RBMS2: variants seen among roughly 807,000 people sequenced by gnomAD.
The protein encoded by RBMS2 is RNA-binding motif, single-stranded-interacting protein 2.
A neutral mutation model predicts 58.4 loss-of-function variants in RBMS2; 38 were observed. The observed-to-expected ratio is 0.65, with a 90% confidence interval of 0.50 to 0.85. The LOEUF (loss-of-function observed/expected upper bound fraction) is 0.85, where lower values mean the gene tolerates loss of function less well. Ranked by LOEUF, RBMS2 falls within the 40% of genes least tolerant of loss-of-function variation. The pLI, the probability that RBMS2 is intolerant of heterozygous loss-of-function variation, is 0.00. For missense variants in RBMS2, 367 were observed against 503.7 expected (o/e 0.73, Z 2.60); for synonymous variants, 151 against 180.7 (o/e 0.84, Z 1.32).
In RBMS2 at chr12:56,546,263, A is replaced by G. The variant is rs1592372069; in HGVS notation, c.67-16154A>G. On this transcript the variant is annotated intron_variant, in intron 1 of 13. Transcript: ENST00000262031. ...CTCCTGAGTAGCTGGGACTACAGGCACCCGCCACCATGGGTTATTATAAAT... is the reference window on the plus strand; with the variant it reads ...CTCCTGAGTAGCTGGGACTACAGGCGCCCGCCACCATGGGTTATTATAAAT... Among the ~76,000 whole-genome samples the G allele has an allele frequency of 2.0e-5, 3 of 149,814 alleles. No individual in the cohort carries two copies. In the South Asian group the frequency reaches 6.3e-4, roughly 31 times the overall value.
intron 1 of RBMS2, among the ~76,000 whole-genome samples, chr12:56,523,015 G>A (rs1177262915): frequency 6.6e-6 from 1 of 152,190 alleles, no homozygotes; most frequent in Non-Finnish European, 1.5e-5. Flanking sequence ...GAATGTTGGA[G>A]GGTGAGGAAC....
Position 56,559,895 on chromosome 12 carries a change from C to CT in RBMS2, c.67-2505dup, listed in dbSNP as rs373481141. The stretch of plus-strand genomic sequence containing the variant: ...AAAAAAGGATTTAGGTCACAATCTT[C>CT]TTTTTTTTTTTTTTTTTGAGACGGA... On this transcript the variant is annotated intron_variant, in intron 1 of 13. Transcript: ENST00000262031. Among the ~76,000 whole-genome samples, 210 of 83,540 alleles carry CT rather than the reference C, an allele frequency of 2.5e-3. 2 individuals carry two copies. The highest frequency in any genetic ancestry group is 8.9e-3 in the African/African-American group (204 of 23,036). The allele number at this position is 83,540 out of a possible 152,430, so 54.8% of individuals were successfully genotyped here.
chr12:56,560,462 C>CA (rs1277794128), intron 1 of RBMS2, among the ~76,000 whole-genome samples: 1 of 151,940 alleles, frequency 6.6e-6, no homozygotes, highest in East Asian at 1.9e-4. Flanking sequence ...ACCTGTTGCC[C>CA]AGGCTGATCT....
chr12:56,531,577 C>T (rs566741642), intron 1 of RBMS2, among the ~76,000 whole-genome samples: 1 of 151,972 alleles, frequency 6.6e-6, no homozygotes, highest in Non-Finnish European at 1.5e-5. Context: ...GCCTGTAATC[C>T]CAGCACTTTG....
At chr12:56,552,967 C>A (rs1034737092) in intron 1 of RBMS2, among the ~76,000 whole-genome samples, 3 of 138,086 alleles carry the variant, frequency 2.2e-5, no homozygotes, top group Non-Finnish European at 3.1e-5. Flanking sequence ...CTCGCTTTAT[C>A]CCCCAGGCTG....
Position 56,594,854 on chromosome 12 carries a change from T to C in RBMS2, c.*5721T>C, listed in dbSNP as rs1885596645. On this transcript the variant is annotated 3_prime_UTR_variant, in exon 14 of 14. Transcript: ENST00000262031. ...CACAACCTCACAATTCAACAACAGG[T>C]AAATACCTGGATTCACTGATTTCTT... The C allele has an allele frequency of 2.6e-5, 4 of 152,342 alleles. No homozygotes were observed. Among genetic ancestry groups the C allele is most frequent in the South Asian group, 2.1e-4 (1 of 4,824 alleles). The allele number at this position is 152,342 out of a possible 1,614,324, so 9.4% of individuals were successfully genotyped here.
chr12:56,554,987 A>G (rs1379899480), intron 1 of RBMS2, among the ~76,000 whole-genome samples: 3 of 152,000 alleles, frequency 2.0e-5, no homozygotes, highest in Non-Finnish European at 2.9e-5. Context: ...GAATGATGCA[A>G]TGAATATCCT....
chr12:56,585,719 A>G (rs114022249), intron 9 of RBMS2, among the ~76,000 whole-genome samples: 2 of 152,282 alleles, frequency 1.3e-5, no homozygotes, highest in East Asian at 1.9e-4. Flanking sequence ...TTGTGTGGAC[A>G]TATGTTTTCA....
chr12:56,585,918 C>A (rs1884601486), intron 9 of RBMS2, among the ~76,000 whole-genome samples: 2 of 152,240 alleles, frequency 1.3e-5, no homozygotes, highest in Admixed American at 1.3e-4. Context: ...CACTGTGGCT[C>A]ATACCTGTAA....
intron 9 of RBMS2, among the ~76,000 whole-genome samples, chr12:56,586,340 A>G (rs1294706272): frequency 6.6e-6 from 1 of 151,992 alleles, no homozygotes; most frequent in Non-Finnish European, 1.5e-5. Context: ...TCAAAAAAAA[A>G]AAGTAGCCAG....
chr12:56,573,186 G>T, intron 5 of RBMS2: 1 of 983,768 alleles, frequency 1.0e-6, no homozygotes, highest in Non-Finnish European at 1.2e-6. Flanking sequence ...ACAAGAAATA[G>T]TTTCTCTTGG....
chr12:56,534,933 G>T (rs555733083), intron 1 of RBMS2, among the ~76,000 whole-genome samples: 4 of 152,112 alleles, frequency 2.6e-5, no homozygotes, highest in Non-Finnish European at 4.4e-5. Context: ...GAGACACGGC[G>T]CCCAGCCCCA....
intron 2 of RBMS2, among the ~76,000 whole-genome samples, chr12:56,564,143 G>A (rs916718293): frequency 6.6e-6 from 1 of 151,664 alleles, no homozygotes; most frequent in Non-Finnish European, 1.5e-5. Context: ...CTAGAGATGG[G>A]GTTTTACTGT....
intron 1 of RBMS2, among the ~76,000 whole-genome samples, chr12:56,541,598 A>C (rs1434486608): frequency 6.6e-6 from 1 of 152,244 alleles, no homozygotes; most frequent in Non-Finnish European, 1.5e-5. Flanking sequence ...ACTAATATTC[A>C]AGAAGATAGC....
intron 2 of RBMS2, among the ~76,000 whole-genome samples, chr12:56,567,380 C>T (rs111486603): frequency 1.1e-4 from 14 of 131,620 alleles, no homozygotes; most frequent in South Asian, 2.6e-4. Flanking sequence ...AGCAAAACTC[C>T]ATCTCAAAAA....
intron 4 of RBMS2, 149 bp downstream of exon 4, chr12:56,570,139 C>G (rs1215483140): frequency 6.3e-6 from 4 of 635,110 alleles, no homozygotes; most frequent in African/African-American, 5.6e-5. Flanking sequence ...ATGAGCACCC[C>G]TGGCTGCTGG....
Position 56,581,867 on chromosome 12 carries a change from C to T in RBMS2, c.767C>T (p.Ala256Val). 2 of 1,614,152 alleles carry T rather than the reference C, an allele frequency of 1.2e-6. No individual in the cohort carries two copies. The highest frequency in any genetic ancestry group is 1.7e-6 in the Non-Finnish European group (2 of 1,179,998). ...VMALTYDPTTALQNGFYPAPY... is the reference protein window; with the variant it reads ...VMALTYDPTTVLQNGFYPAPY... ...GCCTTGACCTATGACCCCACCACAG[C>T]TCTTCAGAATGGGTAAGGTTTTATA... Residue 256 changes from alanine (A) to valine (V), a missense_variant, in exon 8 of 14, where the codon GCT becomes GTT. Transcript: ENST00000262031.
intron 4 of RBMS2, 84 bp downstream of exon 4, chr12:56,570,074 A>C: frequency 7.8e-7 from 1 of 1,289,064 alleles, no homozygotes; most frequent in Non-Finnish European, 1.1e-6. Context: ...CAGAGGGCTT[A>C]AGAACCATGA....
chr12:56,561,889 G>A (rs1181495650), intron 1 of RBMS2, among the ~76,000 whole-genome samples: 1 of 151,734 alleles, frequency 6.6e-6, no homozygotes, highest in Admixed American at 6.6e-5. Context: ...CTCACTGCAA[G>A]CTCTGCCTCC....
Sources: gnomAD v4.1 joint callset for allele counts (sites outside exome capture counted in the v4.1 genomes callset) on GRCh38, gnomAD v4.1.1 for gene constraint, MANE v1.5 for transcripts, NCBI Gene and HGNC (gene_info 2026-07-23, HGNC 2026-07-21) for gene names.